Variants in GALNT16 observed in about 807,000 individuals in gnomAD.
The protein encoded by GALNT16 is UDP-GalNAc:polypeptide N-acetylgalactosaminyltransferase-like protein 1.
Under a neutral mutation model 76.1 loss-of-function variants are expected in GALNT16, and 40 were observed. The observed-to-expected ratio is 0.53, with a 90% CI of 0.41 to 0.68. The LOEUF (loss-of-function observed/expected upper bound fraction) is 0.68. Among genes scored for constraint, GALNT16 ranks in the 30% least tolerant of loss-of-function variants. The pLI, the probability that GALNT16 is intolerant of heterozygous loss-of-function variation, is 0.00. For missense variants in GALNT16, 621 were observed against 731.9 expected, an observed-to-expected ratio of 0.85 and a Z score of 1.75; for synonymous variants, 276 against 285.2, an observed-to-expected ratio of 0.97 and a Z score of 0.32.
chr14:69,319,853 C>T lies in GALNT16; in HGVS notation c.178-858C>T, dbSNP rs1479603877. On this transcript the variant is annotated intron_variant, in intron 1 of 14. Coordinates refer to ENST00000448469, the MANE Select transcript of GALNT16 (RefSeq NM_001168368.2). ...TGTCTGAGCACTTGAGTTCTGGTAG[C>T]TCTGGCATCAGCCTGCAGGGGTTTG... Among the ~76,000 whole-genome samples, 4 of 152,242 alleles carry T rather than the reference C, an allele frequency of 2.6e-5. No homozygotes were observed. In the South Asian group the frequency reaches 8.3e-4, roughly 32 times the overall value.
At chr14:69,326,196 C>T (rs2045282610) in intron 5 of GALNT16, among the ~76,000 whole-genome samples, 169 bp downstream of exon 5, 1 of 152,216 alleles carries the variant, frequency 6.6e-6, no homozygotes. Context: ...AGATCAGCCC[C>T]ATCAAGGCAC....
chr14:69,318,269 T>C (rs1157378194), intron 1 of GALNT16, among the ~76,000 whole-genome samples: 2 of 152,152 alleles, frequency 1.3e-5, no homozygotes, highest in Non-Finnish European at 2.9e-5. Flanking sequence ...AATAGCATCT[T>C]TGAGGATGTG....
intron 9 of GALNT16, among the ~76,000 whole-genome samples, chr14:69,338,293 T>C (rs923151352): frequency 3.3e-5 from 5 of 152,234 alleles, no homozygotes; most frequent in African/African-American, 9.6e-5. Context: ...GATGTGTTTT[T>C]CCTTAGCTCA....
intron 1 of GALNT16, among the ~76,000 whole-genome samples, chr14:69,277,955 C>T (rs2044495604): frequency 6.6e-6 from 1 of 151,978 alleles, no homozygotes; most frequent in Non-Finnish European, 1.5e-5. Context: ...AAAAAATGCT[C>T]ATCATCACTG....
At chr14:69,355,078 CAGA>C (rs2045683339), downstream of GALNT16, 1 of 152,296 alleles carries the variant, frequency 6.6e-6, no homozygotes, top group South Asian at 2.1e-4. Flanking sequence ...TGTCTGTGAT[CAGA>C]AGCTGAACCT....
Position 69,347,119 on chromosome 14 carries a change from G to T in GALNT16, c.1351G>T (p.Gly451Cys). 1 of 1,613,880 alleles carries T rather than the reference G, an allele frequency of 6.2e-7. No homozygotes were observed. The highest frequency in any genetic ancestry group is 8.5e-7 in the Non-Finnish European group (1 of 1,179,906). The change falls in exon 13 of 15, where the codon GGT becomes TGT. Residue 451 changes from glycine to cysteine, a missense_variant. Coordinates refer to ENST00000448469, the MANE Select transcript of GALNT16 (RefSeq NM_001168368.2). ...AGAATCTCAGGGCCAGAACACAGCTGGTGACTTCCTGCTTGGAATGGGGAT... is the reference window on the plus strand; with the variant it reads ...AGAATCTCAGGGCCAGAACACAGCTTGTGACTTCCTGCTTGGAATGGGGAT... ...CLESQGQNTA[G>C]DFLLGMGICR... is the part of the protein sequence containing the mutation.
At chr14:69,382,789 C>CAAAAAA in the GALNT16 span, among the ~76,000 whole-genome samples, 36 of 103,154 alleles carry the variant, frequency 3.5e-4, no homozygotes, top group African/African-American at 1.3e-3. Context: ...ACTCTATCTC[C>CAAAAAA]AAAAGAAAAA....
At chr14:69,278,159 C>G (rs2044498109) in intron 1 of GALNT16, among the ~76,000 whole-genome samples, 2 of 152,094 alleles carry the variant, frequency 1.3e-5, no homozygotes, top group African/African-American at 4.8e-5. Context: ...CAGGTGCACA[C>G]CACCATGCCC....
chr14:69,321,171 C>T (rs1300351305), intron 2 of GALNT16, among the ~76,000 whole-genome samples: 5 of 152,200 alleles, frequency 3.3e-5, no homozygotes, highest in Admixed American at 6.5e-5. Flanking sequence ...GTGAGCCAGG[C>T]GCTCTTGGGG....
the GALNT16 span, among the ~76,000 whole-genome samples, chr14:69,366,150 TGATGTAA>T: frequency 6.6e-6 from 1 of 152,104 alleles, no homozygotes; most frequent in African/African-American, 2.4e-5. Context: ...GAGAAAGTAG[TGATGTAA>T]GATTTCACAG....
upstream of GALNT16, chr14:69,259,990 C>T: frequency 3.5e-6 from 1 of 284,774 alleles, no homozygotes; most frequent in Non-Finnish European, 6.5e-6. Flanking sequence ...TCCCAGTGCG[C>T]AGTGGCCTGG....
the GALNT16 span, among the ~76,000 whole-genome samples, chr14:69,378,805 TAATA>T: frequency 5.3e-5 from 8 of 152,178 alleles, no homozygotes; most frequent in Admixed American, 1.3e-4. Flanking sequence ...AAAAATAAAT[TAATA>T]AATAAATAAA....
At chr14:69,381,340 TA>T in the GALNT16 span, among the ~76,000 whole-genome samples, 8 of 152,200 alleles carry the variant, frequency 5.3e-5, no homozygotes, top group Non-Finnish European at 1.2e-4. Context: ...AAAAAACCTT[TA>T]AAAAACATGT....
chr14:69,346,055 T>C (rs1594868993), intron 12 of GALNT16, among the ~76,000 whole-genome samples: 1 of 112,026 alleles, frequency 8.9e-6, no homozygotes, highest in Non-Finnish European at 1.9e-5. Context: ...GCCTGGATAA[T>C]TTTTTTTTTT....
At chr14:69,332,327 T>TTTA in intron 7 of GALNT16, among the ~76,000 whole-genome samples, 1 of 152,278 alleles carries the variant, frequency 6.6e-6, no homozygotes, top group African/African-American at 2.4e-5. Context: ...CAGTAGATAA[T>TTTA]AGTCACCTTT....
intron 1 of GALNT16, among the ~76,000 whole-genome samples, chr14:69,302,734 C>T (rs1168365894): frequency 6.6e-6 from 1 of 152,164 alleles, no homozygotes. Context: ...AAATACAAGA[C>T]ATCCAGATAA....
At position 69,333,939 on chromosome 14, in the gene GALNT16, C is replaced by T. The variant is rs2045387508; in HGVS notation, c.967+339C>T. On this transcript the variant is annotated intron_variant, in intron 9 of 14. Coordinates refer to ENST00000448469, the MANE Select transcript of GALNT16 (RefSeq NM_001168368.2). This position sits in a 1 kb window ranked among gnomAD's most constrained non-coding sequence, Gnocchi z 4.2. ...ACAGCTTACACACGTGGCTGCTTCC[C>T]TACCAGCAAGGCTGGGAGGTGTGTG... Among the ~76,000 whole-genome samples the T allele has an allele frequency of 6.6e-6, 1 of 151,946 alleles. No individual in the cohort carries two copies. Among genetic ancestry groups the T allele is most frequent in the Non-Finnish European group, 1.5e-5 (1 of 67,978 alleles).
intron 1 of GALNT16, among the ~76,000 whole-genome samples, chr14:69,282,258 G>A (rs2044553554): frequency 6.6e-6 from 1 of 152,160 alleles, no homozygotes; most frequent in African/African-American, 2.4e-5. Context: ...GCACAGGCCT[G>A]GAGTCAACCA....
Position 69,326,033 on chromosome 14 carries a change from T to C in GALNT16, c.568+6T>C. 1 of 1,611,218 alleles carries C rather than the reference T, an allele frequency of 6.2e-7. No homozygotes were observed. The highest frequency in any genetic ancestry group is 8.5e-7 in the Non-Finnish European group (1 of 1,177,636). ...GCGCAATGATCGGCGGGAAGGTGAG[T>C]CCTTGCACCCTGGGTCCCACCAAGG... On this transcript the variant is annotated splice_donor_region_variant and intron_variant, in intron 5 of 14. Transcript: ENST00000448469.
Sources: allele counts gnomAD v4.1 joint callset (sites outside exome capture counted in the v4.1 genomes callset), GRCh38; gene constraint gnomAD v4.1.1; non-coding constraint Gnocchi (gnomAD v3.1); transcripts MANE v1.5; gene names NCBI Gene and HGNC (gene_info 2026-07-23, HGNC 2026-07-21).